NGF: variants seen among roughly 807,000 people sequenced by gnomAD.
NGF encodes nerve growth factor.
In NGF, 4 loss-of-function variants were observed where a neutral mutation model predicts 12.8. The observed-to-expected ratio is 0.31, with a 90% CI of 0.15 to 0.72. The LOEUF (loss-of-function observed/expected upper bound fraction) is 0.72, where lower values mean the gene tolerates loss of function less well. Among genes scored for constraint, NGF ranks in the 30% least tolerant of loss-of-function variants. The probability of loss-of-function intolerance (pLI) is 0.69; values close to 1 mark genes in which losing one functional copy is unlikely to be tolerated. For synonymous variants in NGF, 140 were observed against 130.0 expected (o/e 1.08, Z -0.52); for missense variants, 283 against 330.8 (o/e 0.86, Z 1.12).
chr1:115,333,713 CTTTT>C (rs1557949339), intron 1 of NGF, among the ~76,000 whole-genome samples: 33 of 44,502 alleles, frequency 7.4e-4, no homozygotes, highest in African/African-American at 3.6e-3. Context: ...TTCTTTCTTT[CTTTT>C]CTTTCTTTCC....
At position 115,317,641 on chromosome 1, in the gene NGF, T is replaced by A. The variant is rs1654507119; in HGVS notation, c.-137+20563A>T. 2.6e-5 allele frequency among the ~76,000 whole-genome samples: 4 copies of A among 152,296 alleles called. No individual in the cohort carries two copies. The South Asian group carries it at 8.3e-4, about 32-fold the overall frequency. ...GATCTGACCACAGAGAATAATTTGCTCTTTATCAGAGCGCTCTTCACCTGG... is the reference window on the plus strand; with the variant it reads ...GATCTGACCACAGAGAATAATTTGCACTTTATCAGAGCGCTCTTCACCTGG... On this transcript the variant is annotated intron_variant, in intron 1 of 2. Transcript: ENST00000369512.
chr1:115,328,188 TG>T (rs11466070), intron 1 of NGF, among the ~76,000 whole-genome samples: 39,434 of 151,936 alleles, frequency 0.26, 6,990 homozygotes, highest in African/African-American at 0.5. Flanking sequence ...GAATGAGCCC[TG>T]GGGGAACAAG....
intron 1 of NGF, among the ~76,000 whole-genome samples, chr1:115,297,779 G>A (rs752503765): frequency 2.2e-4 from 34 of 152,170 alleles, no homozygotes; most frequent in Non-Finnish European, 4.4e-4. Context: ...CTCTGTAGCA[G>A]TGGTTCTCAA....
chr1:115,302,438 C>T (rs11466086), intron 1 of NGF, among the ~76,000 whole-genome samples: 4,892 of 152,134 alleles, frequency 0.032, 256 homozygotes, highest in African/African-American at 0.11. Flanking sequence ...CCAGCCCAGC[C>T]GCTGGTTATG....
intron 1 of NGF, among the ~76,000 whole-genome samples, chr1:115,328,601 T>A (rs1251509053): frequency 1.3e-5 from 2 of 152,244 alleles, no homozygotes; most frequent in Non-Finnish European, 2.9e-5. Flanking sequence ...TTCTTTAGAA[T>A]TTTGACAATA....
At chr1:115,333,697 CTTT>C (rs1557949249) in intron 1 of NGF, among the ~76,000 whole-genome samples, 2 of 102,566 alleles carry the variant, frequency 1.9e-5, no homozygotes, top group African/African-American at 5.2e-5. Context: ...TTCTTTCTTT[CTTT>C]CTTTCTTTCT....
intron 1 of NGF, among the ~76,000 whole-genome samples, chr1:115,333,253 C>G (rs769947773): frequency 1.8e-4 from 27 of 152,144 alleles, no homozygotes; most frequent in Admixed American, 7.9e-4. Context: ...ACAAATACTT[C>G]GTGGTTATTG....
At chr1:115,334,733 C>G (rs1346354200) in intron 1 of NGF, among the ~76,000 whole-genome samples, 1 of 152,202 alleles carries the variant, frequency 6.6e-6, no homozygotes, top group Non-Finnish European at 1.5e-5. Flanking sequence ...GAGGTTGTCA[C>G]TATGACTTCT....
chr1:115,337,724 A>C (rs1395893472), intron 1 of NGF, among the ~76,000 whole-genome samples: 4 of 151,910 alleles, frequency 2.6e-5, no homozygotes, highest in Non-Finnish European at 5.9e-5. Flanking sequence ...GGGGCCGCGC[A>C]GCACTTTCCC....
intron 1 of NGF, among the ~76,000 whole-genome samples, chr1:115,308,140 C>T (rs2101038560): frequency 6.6e-6 from 1 of 152,348 alleles, no homozygotes; most frequent in African/African-American, 2.4e-5. Context: ...GAGTTTGCAT[C>T]ATTGCTTTAC....
chr1:115,312,787 C>T lies in NGF; in HGVS notation c.-136-19037G>A, dbSNP rs115606002. ...AATGTTTAAATCAGTGTTTCCCACC[C>T]CTGGAACATCAAAAGGGGTTAGTAA... On this transcript the variant is annotated intron_variant, in intron 1 of 2. Coordinates refer to ENST00000369512, the MANE Select transcript of NGF (RefSeq NM_002506.3). Among the ~76,000 whole-genome samples, 111 of 152,242 alleles carry T rather than the reference C, an allele frequency of 7.3e-4. 1 individual carries two copies. Among genetic ancestry groups the T allele is most frequent in the African/African-American group, 2.5e-3 (105 of 41,554 alleles).
intron 1 of NGF, among the ~76,000 whole-genome samples, chr1:115,333,693 CTTTCTTTCTTTCTTTCTTTCT>C (rs1264556483): frequency 0.056 from 3,538 of 63,034 alleles, 121 homozygotes; most frequent in African/African-American, 0.23. Context: ...TTCTTTCTTT[CTTTCTTTCTTTCTTTCTTTCT>C]TTTCTTTCTT....
intron 1 of NGF, among the ~76,000 whole-genome samples, chr1:115,298,320 A>G (rs1022337914): frequency 3.3e-5 from 5 of 152,204 alleles, no homozygotes; most frequent in Admixed American, 3.3e-4. Context: ...TTTCCCCCCA[A>G]AAGAACTCTT....
chr1:115,335,764 G>T (rs779872409), intron 1 of NGF, among the ~76,000 whole-genome samples: 12 of 152,206 alleles, frequency 7.9e-5, no homozygotes, highest in Non-Finnish European at 7.3e-5. Context: ...CTGGGCCTTG[G>T]CCCTACTCCA....
At chr1:115,335,598 A>G (rs1655089802) in intron 1 of NGF, among the ~76,000 whole-genome samples, 1 of 152,146 alleles carries the variant, frequency 6.6e-6, no homozygotes, top group South Asian at 2.1e-4. Flanking sequence ...AGCCGTCAGC[A>G]AACCTTCCAC....
chr1:115,332,269 A>G (rs576641432), intron 1 of NGF, among the ~76,000 whole-genome samples: 1 of 152,360 alleles, frequency 6.6e-6, no homozygotes, highest in African/African-American at 2.4e-5. Flanking sequence ...AAAGAAAATT[A>G]CAGGAGAACC....
chr1:115,321,931 A>C (rs924215239), intron 1 of NGF, among the ~76,000 whole-genome samples: 1 of 152,208 alleles, frequency 6.6e-6, no homozygotes. Context: ...GTGAGGACGC[A>C]GTCATACTTG....
intron 1 of NGF, among the ~76,000 whole-genome samples, chr1:115,316,632 C>A (rs1010102684): frequency 2.6e-5 from 4 of 151,984 alleles, no homozygotes; most frequent in African/African-American, 9.7e-5. Context: ...TGTAAATATC[C>A]AAAATCAACC....
At chr1:115,310,717 T>A (rs564311148) in intron 1 of NGF, among the ~76,000 whole-genome samples, 1 of 152,336 alleles carries the variant, frequency 6.6e-6, no homozygotes, top group South Asian at 2.1e-4. Flanking sequence ...TATTGTTGAC[T>A]CAGGCTGTTC....
Sources: gnomAD v4.1 joint callset for allele counts (sites outside exome capture counted in the v4.1 genomes callset) on GRCh38, gnomAD v4.1.1 for gene constraint, MANE v1.5 for transcripts, NCBI Gene and HGNC (gene_info 2026-07-23, HGNC 2026-07-21) for gene names.